Variants in PTPRN2 observed in about 807,000 individuals in gnomAD.
PTPRN2 encodes receptor-type tyrosine-protein phosphatase N2.
Under a neutral mutation model 118.8 loss-of-function variants are expected in PTPRN2, and 74 were observed. The observed-to-expected ratio is 0.62, with a 90% confidence interval of 0.52 to 0.76. The LOEUF (loss-of-function observed/expected upper bound fraction) is 0.76, where lower values mean the gene tolerates loss of function less well. PTPRN2 is among the 30% of genes least tolerant of loss of function. The pLI is 0.00. For synonymous variants in PTPRN2, 641 were observed against 608.0 expected, an observed-to-expected ratio of 1.05 and a Z score of -0.80; for missense variants, 1,481 against 1,394.4, an observed-to-expected ratio of 1.06 and a Z score of -0.99.
chr7:157,856,885 T>C (rs1046559741), intron 12 of PTPRN2, among the ~76,000 whole-genome samples: 2 of 152,198 alleles, frequency 1.3e-5, no homozygotes, highest in Admixed American at 6.5e-5. Flanking sequence ...CAAGAAAGGT[T>C]TGAACAACCT....
chr7:157,707,874 C>G (rs1291723633), intron 12 of PTPRN2, among the ~76,000 whole-genome samples: 1 of 152,258 alleles, frequency 6.6e-6, no homozygotes, highest in African/African-American at 2.4e-5. Context: ...CAGGCGTGAG[C>G]CACTGCGCCC....
intron 12 of PTPRN2, among the ~76,000 whole-genome samples, chr7:157,760,080 C>G (rs1003027872): frequency 5.9e-5 from 9 of 152,322 alleles, no homozygotes; most frequent in African/African-American, 1.9e-4. Flanking sequence ...TGCTGTCCCC[C>G]CAACGCCATA....
intron 11 of PTPRN2, among the ~76,000 whole-genome samples, chr7:158,049,668 AGGTG>A (rs1486927734): frequency 1.3e-5 from 2 of 152,208 alleles, no homozygotes; most frequent in Admixed American, 6.5e-5. Flanking sequence ...TGGGAGGCCG[AGGTG>A]GGTGGATCAC....
intron 18 of PTPRN2, among the ~76,000 whole-genome samples, chr7:157,577,016 G>A (rs957748638): frequency 2.6e-5 from 4 of 152,204 alleles, no homozygotes; most frequent in African/African-American, 9.7e-5. Context: ...TTAGGGGCTT[G>A]AGCGTCAAAT....
intron 19 of PTPRN2, among the ~76,000 whole-genome samples, chr7:157,573,851 A>G (rs958960477): frequency 6.6e-6 from 1 of 152,206 alleles, no homozygotes; most frequent in African/African-American, 2.4e-5. Flanking sequence ...TGTAATTTTC[A>G]TATCCGTACC....
At chr7:158,149,355 T>C (rs528145835) in intron 6 of PTPRN2, among the ~76,000 whole-genome samples, 2 of 152,026 alleles carry the variant, frequency 1.3e-5, no homozygotes, top group Non-Finnish European at 2.9e-5. Context: ...ACAACTACAT[T>C]GACATAAACT....
chr7:158,331,728 G>C (rs1251840031), intron 2 of PTPRN2, among the ~76,000 whole-genome samples: 1 of 150,718 alleles, frequency 6.6e-6, no homozygotes, highest in Non-Finnish European at 1.5e-5. Context: ...CTCACCATAA[G>C]AGCTGACACC....
At chr7:158,131,583 CAT>C (rs1818301261) in intron 9 of PTPRN2, among the ~76,000 whole-genome samples, 1 of 151,300 alleles carries the variant, frequency 6.6e-6, no homozygotes, top group Non-Finnish European at 1.5e-5. Flanking sequence ...CATACACACT[CAT>C]ACACACACAC....
At chr7:157,564,615 T>C (rs1799391218) in intron 21 of PTPRN2, among the ~76,000 whole-genome samples, 1 of 152,196 alleles carries the variant, frequency 6.6e-6, no homozygotes, top group Admixed American at 6.5e-5. Context: ...ACTTCAGAAA[T>C]GGGCAAGGGA....
At chr7:158,223,146 T>C (rs1828489005) in intron 3 of PTPRN2, among the ~76,000 whole-genome samples, 1 of 152,210 alleles carries the variant, frequency 6.6e-6, no homozygotes, top group Non-Finnish European at 1.5e-5. Context: ...ATAATTTGAA[T>C]ACTTCTACAC....
chr7:158,444,776 G>T (rs1292497439), intron 2 of PTPRN2, among the ~76,000 whole-genome samples: 1 of 152,140 alleles, frequency 6.6e-6, no homozygotes, highest in African/African-American at 2.4e-5. Context: ...CAGGGCCTGC[G>T]TCACATGCAC....
intron 12 of PTPRN2, among the ~76,000 whole-genome samples, chr7:157,824,145 G>A (rs1182576113): frequency 1.3e-5 from 2 of 152,108 alleles, no homozygotes; most frequent in Non-Finnish European, 1.5e-5. Flanking sequence ...AGTGGGGTTT[G>A]TGCACAGCCT....
chr7:158,268,432 GC>G (rs1798041254), intron 3 of PTPRN2, among the ~76,000 whole-genome samples: 1 of 144,714 alleles, frequency 6.9e-6, no homozygotes, highest in African/African-American at 2.6e-5. Context: ...CCAGCCGCAT[GC>G]ACACAGGGCA....
intron 12 of PTPRN2, among the ~76,000 whole-genome samples, chr7:157,734,856 G>T (rs1295844713): frequency 6.6e-6 from 1 of 152,222 alleles, no homozygotes; most frequent in African/African-American, 2.4e-5. Flanking sequence ...CCCACACCAG[G>T]ACCTGGCGCT....
intron 3 of PTPRN2, among the ~76,000 whole-genome samples, chr7:158,310,768 T>C: frequency 1.4e-5 from 2 of 144,524 alleles, no homozygotes; most frequent in African/African-American, 2.6e-5. Flanking sequence ...AGAGCGCAAG[T>C]CCCACGGAGG....
chr7:158,423,501 G>C (rs568275244), intron 2 of PTPRN2, among the ~76,000 whole-genome samples: 17 of 152,182 alleles, frequency 1.1e-4, no homozygotes, highest in African/African-American at 4.1e-4. Context: ...TGTTCTTAGA[G>C]GGGAAGAGGT....
At chr7:158,016,407 G>A (rs1339926041) in intron 11 of PTPRN2, among the ~76,000 whole-genome samples, 2 of 152,194 alleles carry the variant, frequency 1.3e-5, no homozygotes, top group East Asian at 1.9e-4. Context: ...ACCAGAGAAG[G>A]GCCGAGTCGA....
intron 11 of PTPRN2, among the ~76,000 whole-genome samples, chr7:157,982,202 C>G (rs1287032966): frequency 7.0e-6 from 1 of 143,606 alleles, no homozygotes; most frequent in South Asian, 2.2e-4. Context: ...CCCCCCTAAA[C>G]CCCGAGTCAC....
At position 157,794,929 on chromosome 7, in the gene PTPRN2, A is replaced by G. The variant is rs1002306662; in HGVS notation, c.1788+103744T>C. ...CAGAGAGGAGGGATTTCCATGTGAA[A>G]GAGGCCAGAGTGCTTCCCTCACTTA... On this transcript the variant is annotated intron_variant, in intron 12 of 22. Coordinates refer to ENST00000389418, the MANE Select transcript of PTPRN2 (RefSeq NM_002847.5). The surrounding 1 kb of genome is among the most constrained non-coding windows in gnomAD (Gnocchi z 5.2). 3.3e-5 allele frequency among the ~76,000 whole-genome samples: 5 copies of G among 152,268 alleles called. No homozygotes were observed. Among genetic ancestry groups the G allele is most frequent in the African/African-American group, 1.2e-4 (5 of 41,462 alleles).
Sources: gnomAD v4.1 joint callset for allele counts (sites outside exome capture counted in the v4.1 genomes callset) on GRCh38, gnomAD v4.1.1 for gene constraint, Gnocchi (gnomAD v3.1) non-coding constraint, MANE v1.5 for transcripts, NCBI Gene and HGNC (gene_info 2026-07-23, HGNC 2026-07-21) for gene names.